The following SPAG16 variants were observed in gnomAD, a reference collection of about 807,000 sequenced individuals.
The protein encoded by SPAG16 is sperm associated antigen 16.
A neutral mutation model predicts 80.4 loss-of-function variants in SPAG16; 86 were observed. That is an observed-to-expected ratio of 1.07 (90% CI 0.90 to 1.28). The LOEUF (loss-of-function observed/expected upper bound fraction) is 1.28. Ranked by LOEUF, SPAG16 falls within the 50% of genes most tolerant of loss-of-function variation. The pLI, the probability that SPAG16 is intolerant of heterozygous loss-of-function variation, is 0.00. For synonymous variants in SPAG16, 294 were observed against 265.9 expected (o/e 1.11, Z -1.03); for missense variants, 870 against 765.3 (o/e 1.14, Z -1.61).
chr2:213,719,141 T>A (rs1478537602), intron 10 of SPAG16, among the ~76,000 whole-genome samples: 151 of 144,848 alleles, frequency 1.0e-3, no homozygotes, highest in Middle Eastern at 3.5e-3. Flanking sequence ...ATCGGCACTC[T>A]GTATCTAGCT....
chr2:213,385,197 A>T (rs1330921596), intron 9 of SPAG16, among the ~76,000 whole-genome samples: 3 of 152,158 alleles, frequency 2.0e-5, no homozygotes, highest in Admixed American at 6.5e-5. Flanking sequence ...CCACTCTCAC[A>T]GGCTCACTTC....
chr2:213,923,657 G>A (rs1354276427), intron 11 of SPAG16, among the ~76,000 whole-genome samples: 1 of 152,204 alleles, frequency 6.6e-6, no homozygotes, highest in Non-Finnish European at 1.5e-5. Context: ...GGCAGCAAGA[G>A]GCTGTGCCCT....
At chr2:214,100,735 G>A (rs1036307234) in intron 13 of SPAG16, among the ~76,000 whole-genome samples, 1 of 151,996 alleles carries the variant, frequency 6.6e-6, no homozygotes, top group African/African-American at 2.4e-5. Flanking sequence ...TCTTTTTTAC[G>A]CCTGAATAGT....
At chr2:213,871,865 CACACACACACACACAG>C (rs1315655986) in intron 11 of SPAG16, among the ~76,000 whole-genome samples, 4 of 107,064 alleles carry the variant, frequency 3.7e-5, no homozygotes, top group Admixed American at 1.1e-4. Flanking sequence ...CACACACACA[CACACACACACACACAG>C]AGAGAGAGAG....
chr2:214,244,388 AG>A (rs1689694841), intron 15 of SPAG16, among the ~76,000 whole-genome samples: 1 of 144,584 alleles, frequency 6.9e-6, no homozygotes, highest in South Asian at 2.2e-4. Context: ...GATAAGCTGA[AG>A]TTCCGAAAAA....
intron 15 of SPAG16, among the ~76,000 whole-genome samples, chr2:214,349,512 A>G (rs1698268667): frequency 6.6e-6 from 1 of 152,210 alleles, no homozygotes; most frequent in Non-Finnish European, 1.5e-5. Context: ...GCTATGTCCA[A>G]CTTTTGGGCA....
At chr2:213,829,125 G>A (rs1177871173) in intron 10 of SPAG16, among the ~76,000 whole-genome samples, 5 of 152,178 alleles carry the variant, frequency 3.3e-5, no homozygotes, top group Non-Finnish European at 7.4e-5. Flanking sequence ...AGAGAAACAA[G>A]TTCTCCTGGG....
intron 3 of SPAG16, among the ~76,000 whole-genome samples, chr2:213,305,144 G>A (rs1428552838): frequency 6.6e-6 from 1 of 152,040 alleles, no homozygotes; most frequent in African/African-American, 2.4e-5. Context: ...TTGTAAATGT[G>A]TTTTCTTTCT....
intron 9 of SPAG16, among the ~76,000 whole-genome samples, chr2:213,428,574 A>G (rs1474109904): frequency 1.3e-5 from 2 of 152,080 alleles, no homozygotes; most frequent in African/African-American, 4.8e-5. Context: ...AAACTGAGAG[A>G]TGAGTGTGGC....
chr2:213,351,378 A>C (rs1412541443), intron 7 of SPAG16, among the ~76,000 whole-genome samples: 1 of 152,118 alleles, frequency 6.6e-6, no homozygotes, highest in Non-Finnish European at 1.5e-5. Flanking sequence ...ATTGCTGTGA[A>C]ACTTATATGA....
rs930795221 is a variant in SPAG16, at chr2:213,445,371, A to C, written c.943-44592A>C. Among the ~76,000 whole-genome samples the C allele has an allele frequency of 3.3e-5, 5 of 152,360 alleles. No homozygotes were observed. In the East Asian group the frequency reaches 5.8e-4, roughly 18 times the overall value. On this transcript the variant is annotated intron_variant, in intron 9 of 15. Coordinates refer to ENST00000331683, the MANE Select transcript of SPAG16 (RefSeq NM_024532.5). ...ATCAAAAGAAGACATATCAATGACC[A>C]ACAGATATAGCTGGGCGTGGCGGCT...
At chr2:213,393,139 T>G (rs1242431912) in intron 9 of SPAG16, among the ~76,000 whole-genome samples, 1 of 151,890 alleles carries the variant, frequency 6.6e-6, no homozygotes, top group Non-Finnish European at 1.5e-5. Flanking sequence ...CTGCTCCCTA[T>G]TTTTGGATTA....
chr2:213,288,001 G>T (rs1403928606), intron 1 of SPAG16, among the ~76,000 whole-genome samples: 1 of 152,134 alleles, frequency 6.6e-6, no homozygotes, highest in Non-Finnish European at 1.5e-5. Context: ...AAATTCCTGG[G>T]CTCGAGCAAT....
chr2:214,405,815 G>T (rs1016993824), intron 15 of SPAG16, among the ~76,000 whole-genome samples: 8 of 152,106 alleles, frequency 5.3e-5, no homozygotes, highest in East Asian at 1.9e-4. Flanking sequence ...AATAAATAAA[G>T]AAAATCCCAA....
chr2:213,995,103 C>T (rs116675268), intron 12 of SPAG16, among the ~76,000 whole-genome samples: 4,827 of 152,236 alleles, frequency 0.032, 243 homozygotes, highest in African/African-American at 0.11. Flanking sequence ...CATGCGTCCT[C>T]CTCATTTCAT....
intron 10 of SPAG16, among the ~76,000 whole-genome samples, chr2:213,537,966 C>T (rs1002266791): frequency 6.6e-6 from 1 of 152,120 alleles, no homozygotes; most frequent in Non-Finnish European, 1.5e-5. Flanking sequence ...CTCACTCTTT[C>T]ATTCTTTCAA....
intron 6 of SPAG16, among the ~76,000 whole-genome samples, chr2:213,342,528 T>G (rs746985580): frequency 9.9e-5 from 15 of 151,750 alleles, no homozygotes; most frequent in South Asian, 8.3e-4. Flanking sequence ...ATACTTAATT[T>G]CTATTGCTAT....
chr2:214,392,660 T>A (rs1469424145), intron 15 of SPAG16, among the ~76,000 whole-genome samples: 2 of 146,974 alleles, frequency 1.4e-5, no homozygotes, highest in South Asian at 2.2e-4. Flanking sequence ...AGTTTAGGAG[T>A]AATTAGTGAC....
At chr2:213,409,434 G>A (rs954207304) in intron 9 of SPAG16, among the ~76,000 whole-genome samples, 3 of 152,252 alleles carry the variant, frequency 2.0e-5, no homozygotes, top group South Asian at 2.1e-4. Context: ...GTTGTAAAAC[G>A]TTAATTGTAA....
Sources: gnomAD v4.1 joint callset for allele counts (sites outside exome capture counted in the v4.1 genomes callset) on GRCh38, gnomAD v4.1.1 for gene constraint, MANE v1.5 for transcripts, NCBI Gene and HGNC (gene_info 2026-07-23, HGNC 2026-07-21) for gene names.